The following USH2A variants were observed in gnomAD, a reference collection of about 807,000 sequenced individuals.
USH2A encodes the protein usherin.
A neutral mutation model predicts 538.9 loss-of-function variants in USH2A; 443 were observed. The observed-to-expected ratio is 0.82, with a 90% CI of 0.76 to 0.89. The LOEUF (loss-of-function observed/expected upper bound fraction) is 0.89, where lower values mean the gene tolerates loss of function less well. Ranked by LOEUF, USH2A falls within the 40% of genes least tolerant of loss-of-function variation. The pLI, the probability that USH2A is intolerant of heterozygous loss-of-function variation, is 0.00. For synonymous variants in USH2A, 2,413 were observed against 2,273.5 expected (o/e 1.06, Z -1.75); for missense variants, 6,633 against 6,324.8 (o/e 1.05, Z -1.65).
chr1:215,761,016 C>T (rs2102743394), intron 56 of USH2A, among the ~76,000 whole-genome samples: 1 of 152,288 alleles, frequency 6.6e-6, no homozygotes, highest in South Asian at 2.1e-4. Context: ...TATGGTCCCA[C>T]ATTTTATTGG....
intron 41 of USH2A, among the ~76,000 whole-genome samples, 192 bp downstream of exon 41, chr1:215,888,234 G>A (rs868687589): frequency 5.3e-5 from 8 of 152,150 alleles, no homozygotes; most frequent in African/African-American, 7.2e-5. Flanking sequence ...TAATTAAGGG[G>A]ATACAGGGAT....
At chr1:216,030,740 A>G (rs1044092188) in intron 32 of USH2A, among the ~76,000 whole-genome samples, 1 of 150,810 alleles carries the variant, frequency 6.6e-6, no homozygotes, top group Non-Finnish European at 1.5e-5. Flanking sequence ...GGTGAGTGAA[A>G]AAGAAGTTTT....
intron 11 of USH2A, among the ~76,000 whole-genome samples, chr1:216,285,855 C>T (rs561735057): frequency 3.3e-5 from 5 of 152,328 alleles, no homozygotes; most frequent in African/African-American, 1.2e-4. Flanking sequence ...CATTGGGTTT[C>T]AGACTTGCAT....
At chr1:216,327,747 A>G in intron 4 of USH2A, 93 bp from the exon 5 acceptor site, 1 of 1,482,588 alleles carries the variant, frequency 6.7e-7, no homozygotes, top group Non-Finnish European at 9.4e-7. Context: ...GAAGATGTTA[A>G]GGTTAAAAAG....
intron 37 of USH2A, among the ~76,000 whole-genome samples, 199 bp from the exon 38 acceptor site, chr1:215,934,994 T>A (rs1271649473): frequency 2.6e-5 from 4 of 151,970 alleles, no homozygotes; most frequent in Non-Finnish European, 5.9e-5. Context: ...GCTATCTGAG[T>A]TGACCTGGCC....
chr1:216,149,370 C>T (rs2033786796), intron 21 of USH2A, among the ~76,000 whole-genome samples: 1 of 152,168 alleles, frequency 6.6e-6, no homozygotes, highest in Non-Finnish European at 1.5e-5. Context: ...AGCCAAATCA[C>T]CAAAGCAGTT....
rs755444399 is a variant in USH2A, at chr1:216,289,301, A to G, written c.1950T>C (p.Asn650=). The change falls in exon 11 of 72, where the codon AAT becomes AAC. Residue 650 remains asparagine (N), a synonymous_variant. Coordinates refer to ENST00000307340, the MANE Select transcript of USH2A (RefSeq NM_206933.4). ...TCACCTGATCACAAAGAATGCTACC[A>G]TTTCTAGTGCCAACTGTATCACAGT... ...PCDCDTVGTR[N]GSILCDQIGG... The G allele has an allele frequency of 6.2e-7, 1 of 1,613,926 alleles. No individual in the cohort carries two copies. The highest frequency in any genetic ancestry group is 1.1e-5 in the South Asian group (1 of 91,082).
intron 55 of USH2A, among the ~76,000 whole-genome samples, chr1:215,773,040 A>G (rs1323796425): frequency 2.0e-5 from 3 of 152,212 alleles, no homozygotes; most frequent in Non-Finnish European, 2.9e-5. Flanking sequence ...ACAGGAGTTA[A>G]GAAGAAATCA....
intron 38 of USH2A, among the ~76,000 whole-genome samples, chr1:215,919,755 T>C (rs931223362): frequency 3.3e-5 from 5 of 152,174 alleles, no homozygotes; most frequent in Non-Finnish European, 5.9e-5. Context: ...AACTTTAGAT[T>C]ATCAAGACTA....
chr1:216,043,616 G>C (rs1437577710), intron 32 of USH2A, among the ~76,000 whole-genome samples: 2 of 151,774 alleles, frequency 1.3e-5, no homozygotes, highest in Non-Finnish European at 2.9e-5. Context: ...CTTTCTTCAG[G>C]GCCTATAGTC....
intron 9 of USH2A, among the ~76,000 whole-genome samples, chr1:216,315,877 T>C (rs2037498317): frequency 6.6e-6 from 1 of 152,188 alleles, no homozygotes; most frequent in Non-Finnish European, 1.5e-5. Flanking sequence ...TAATTTCTAC[T>C]TTGAAATATT....
chr1:215,866,401 G>A (rs1664470673), intron 44 of USH2A, among the ~76,000 whole-genome samples: 1 of 152,104 alleles, frequency 6.6e-6, no homozygotes, highest in Non-Finnish European at 1.5e-5. Flanking sequence ...AGTGTTCCCA[G>A]CAGGTCCAGG....
chr1:216,317,604 T>C (rs542449095), intron 9 of USH2A, among the ~76,000 whole-genome samples: 2 of 152,122 alleles, frequency 1.3e-5, no homozygotes, highest in South Asian at 4.2e-4. Context: ...TCCCAGCACT[T>C]TGGGAGTCCG....
intron 35 of USH2A, among the ~76,000 whole-genome samples, chr1:215,982,477 T>C (rs753686806): frequency 3.4e-4 from 52 of 152,360 alleles, no homozygotes; most frequent in Non-Finnish European, 4.9e-4. Flanking sequence ...TAGGCAGGTC[T>C]GTATTCCTCC....
At position 216,049,056 on chromosome 1, in the gene USH2A, T is replaced by C. The variant is rs534694889; in HGVS notation, c.6050-409A>G. ...TCTTTAACCTAGCATTTTTCAACCGTATTTAACTAAGGAGTCCTTTTTATA... is the reference window on the plus strand; with the variant it reads ...TCTTTAACCTAGCATTTTTCAACCGCATTTAACTAAGGAGTCCTTTTTATA... On this transcript the variant is annotated intron_variant, in intron 30 of 71. Coordinates refer to ENST00000307340, the MANE Select transcript of USH2A (RefSeq NM_206933.4). 4.7e-4 allele frequency among the ~76,000 whole-genome samples: 71 copies of C among 152,290 alleles called. 1 individual carries two copies. The South Asian group carries it at 0.011, about 23-fold the overall frequency.
At chr1:215,685,523 A>T (rs1033637978) in intron 61 of USH2A, among the ~76,000 whole-genome samples, 2 of 151,962 alleles carry the variant, frequency 1.3e-5, no homozygotes, top group East Asian at 3.9e-4. Context: ...ACGCCCAGGT[A>T]ATTTTTGTAT....
intron 3 of USH2A, among the ~76,000 whole-genome samples, chr1:216,370,187 C>T (rs1226874995): frequency 4.6e-5 from 7 of 150,732 alleles, no homozygotes; most frequent in African/African-American, 1.7e-4. Context: ...GGCGAAACTC[C>T]GTCTCTACTA....
chr1:215,733,410 A>G (rs779394235), intron 60 of USH2A, among the ~76,000 whole-genome samples: 11 of 152,050 alleles, frequency 7.2e-5, no homozygotes, highest in Non-Finnish European at 1.0e-4. Flanking sequence ...CAAACATACA[A>G]ACTATATTAT....
Position 216,273,627 on chromosome 1 carries a change from C to T in USH2A, c.1971+15653G>A, listed in dbSNP as rs150737916. Among the ~76,000 whole-genome samples, 1,411 of 152,062 alleles carry T rather than the reference C, an allele frequency of 9.3e-3. 6 individuals carry two copies. The highest frequency in any genetic ancestry group is 0.014 in the Non-Finnish European group (943 of 67,962). ...ATGCACAGTGCCTGGTATATAGGAACGTCCCTACATTTGTTTGGTGACTAG... is the reference window on the plus strand; with the variant it reads ...ATGCACAGTGCCTGGTATATAGGAATGTCCCTACATTTGTTTGGTGACTAG... On this transcript the variant is annotated intron_variant, in intron 11 of 71. Transcript: ENST00000307340.
Sources: allele counts gnomAD v4.1 joint callset (sites outside exome capture counted in the v4.1 genomes callset), GRCh38; gene constraint gnomAD v4.1.1; transcripts MANE v1.5; gene names NCBI Gene and HGNC (gene_info 2026-07-23, HGNC 2026-07-21).